The following PTGER4 variants were observed in gnomAD, a reference collection of about 807,000 sequenced individuals.
PTGER4 encodes prostaglandin E2 receptor EP4 subtype.
In PTGER4, 11 loss-of-function variants were observed where a neutral mutation model predicts 33.2. The observed-to-expected ratio is 0.33, with a 90% CI of 0.21 to 0.55. PTGER4 has a LOEUF of 0.55. Ranked by LOEUF, PTGER4 falls within the 20% of genes least tolerant of loss-of-function variation. The probability of loss-of-function intolerance (pLI) is 0.92; values close to 1 mark genes in which losing one functional copy is unlikely to be tolerated. For missense variants in PTGER4, 481 were observed against 650.2 expected, an observed-to-expected ratio of 0.74 and a Z score of 2.83; for synonymous variants, 275 against 281.5, an observed-to-expected ratio of 0.98 and a Z score of 0.23.
rs1389043281 is a variant in PTGER4 at position 40,691,845 on chromosome 5, T to C, written c.934T>C (p.Leu312=). Residue 312 remains leucine, a synonymous_variant, in exon 3 of 3, where the codon TTG becomes CTG. Transcript: ENST00000302472. This position sits in a 1 kb window ranked among gnomAD's most constrained non-coding sequence, Gnocchi z 4.2. Reference sequence around the variant, plus strand: ...GCGAGAAGTCAGTAAAAATCCAGATTTGCAGGCCATCCGAATTGCTTCTGT... The same window carrying C: ...GCGAGAAGTCAGTAAAAATCCAGATCTGCAGGCCATCCGAATTGCTTCTGT... ...LEREVSKNPD[L]QAIRIASVNP... The C allele has an allele frequency of 6.2e-7, 1 of 1,614,220 alleles. No homozygotes were observed. The highest frequency in any genetic ancestry group is 1.7e-5 in the Admixed American group (1 of 60,026).
chr5:40,722,896 T>C, the PTGER4 span, among the ~76,000 whole-genome samples: 1 of 151,664 alleles, frequency 6.6e-6, no homozygotes, highest in Non-Finnish European at 1.5e-5. Context: ...ATCTGGGAAG[T>C]GAGGAGCCCC....
At chr5:40,693,908 A>G (rs956197195), downstream of PTGER4, among the ~76,000 whole-genome samples, 1 of 152,148 alleles carries the variant, frequency 6.6e-6, no homozygotes, top group African/African-American at 2.4e-5. Flanking sequence ...ATGACACTTT[A>G]CTCAAAGCCT....
chr5:40,740,660 A>G, the PTGER4 span, among the ~76,000 whole-genome samples: 25 of 152,270 alleles, frequency 1.6e-4, no homozygotes, highest in African/African-American at 5.3e-4. Flanking sequence ...CGACTATCCA[A>G]GGTATTGTCC....
At chr5:40,741,505 G>C in the PTGER4 span, among the ~76,000 whole-genome samples, 1 of 152,160 alleles carries the variant, frequency 6.6e-6, no homozygotes. Context: ...AAGACTCAAA[G>C]GGACCTCATA....
the PTGER4 span, among the ~76,000 whole-genome samples, chr5:40,738,519 A>C: frequency 0.2 from 12,836 of 65,140 alleles, 1,430 homozygotes; most frequent in East Asian, 0.31. Context: ...AAATACAATA[A>C]AATAAAATAC....
chr5:40,736,092 G>A, the PTGER4 span, among the ~76,000 whole-genome samples: 1 of 152,204 alleles, frequency 6.6e-6, no homozygotes, highest in Admixed American at 6.5e-5. Flanking sequence ...CAACGTTCCT[G>A]AGAAGGCACA....
chr5:40,688,996 T>C (rs1741399252), intron 2 of PTGER4, among the ~76,000 whole-genome samples: 3 of 152,202 alleles, frequency 2.0e-5, no homozygotes, highest in African/African-American at 7.2e-5. Flanking sequence ...TACGGGCAGA[T>C]GAGTTTCAGA....
In PTGER4 at chr5:40,692,136, C is replaced by T; in HGVS notation, c.1225C>T (p.Leu409Phe). The T allele has an allele frequency of 1.2e-6, 2 of 1,614,214 alleles. No individual in the cohort carries two copies. The highest frequency in any genetic ancestry group is 1.7e-6 in the Non-Finnish European group (2 of 1,180,046). ...ACTGCCAGACCTCAGTGAAAATGGC[C>T]TTGGAGGCAGGAATTTGCTTCCAGG... ...LSLPDLSENG[L>F]GGRNLLPGVP... The change falls in exon 3 of 3, where the codon CTT becomes TTT. Residue 409 changes from leucine (L) to phenylalanine (F), a missense_variant. Physicochemically the swap from Leu to Phe is conservative, Grantham distance 22. Transcript: ENST00000302472.
At chr5:40,716,153 C>T in the PTGER4 span, 1 of 1,599,024 alleles carries the variant, frequency 6.3e-7, no homozygotes, top group South Asian at 1.1e-5. Flanking sequence ...CTTCATCGGG[C>T]TTTGATAAAA....
chr5:40,715,352 AT>A, the PTGER4 span: 2 of 152,188 alleles, frequency 1.3e-5, no homozygotes, highest in Non-Finnish European at 2.9e-5. Context: ...TAGCAGTACA[AT>A]TGTCATTAAC....
chr5:40,729,776 G>A, the PTGER4 span, among the ~76,000 whole-genome samples: 1 of 152,146 alleles, frequency 6.6e-6, no homozygotes, highest in Non-Finnish European at 1.5e-5. Context: ...TCAGCTCACT[G>A]CAACCTCCGC....
the PTGER4 span, among the ~76,000 whole-genome samples, chr5:40,725,748 T>C: frequency 6.7e-6 from 1 of 150,176 alleles, no homozygotes; most frequent in Admixed American, 6.6e-5. Context: ...CATTCCCTCA[T>C]ACAGAATTTT....
the PTGER4 span, chr5:40,716,453 G>A: frequency 1.2e-5 from 19 of 1,613,250 alleles, no homozygotes; most frequent in Non-Finnish European, 1.5e-5. Context: ...CATATTTCAG[G>A]GTTCATTGGA....
the PTGER4 span, among the ~76,000 whole-genome samples, chr5:40,713,484 G>C: frequency 1.3e-5 from 2 of 152,116 alleles, no homozygotes; most frequent in African/African-American, 4.8e-5. Flanking sequence ...ATAAAATTTT[G>C]TATGTAGGCC....
In PTGER4 at chr5:40,692,444, C is replaced by T. The variant is rs946649887; in HGVS notation, c.*66C>T. On this transcript the variant is annotated 3_prime_UTR_variant, in exon 3 of 3. Coordinates refer to ENST00000302472, the MANE Select transcript of PTGER4 (RefSeq NM_000958.3). ...TAAAATCCTGTGCAATAGACACATA[C>T]ATGTCACATTTAGCTGTGCTCAGAA... 6.6e-6 allele frequency: 10 copies of T among 1,508,978 alleles called. No homozygotes were observed. The highest frequency in any genetic ancestry group is 8.8e-6 in the Non-Finnish European group (10 of 1,134,042). 93.5% of individuals were successfully genotyped at this position (1,508,978 alleles called of 1,614,324 possible).
At chr5:40,707,690 C>A in the PTGER4 span, among the ~76,000 whole-genome samples, 1 of 152,030 alleles carries the variant, frequency 6.6e-6, no homozygotes, top group Non-Finnish European at 1.5e-5. Context: ...CCTAACAGAC[C>A]TCTACAGAAC....
rs1336334099 is a variant in PTGER4, at chr5:40,692,922, G to A, written c.*544G>A. 4.1e-6 allele frequency: 4 copies of A among 979,028 alleles called. No homozygotes were observed. The highest frequency in any genetic ancestry group is 4.9e-6 in the Non-Finnish European group (4 of 823,910). 60.6% of individuals were successfully genotyped at this position (979,028 alleles called of 1,614,324 possible). ...AATTATCGCAACCCCTCTCCTTCCA[G>A]TATAACCAGCTGAAGTTGCAGATGT... On this transcript the variant is annotated 3_prime_UTR_variant, in exon 3 of 3. Transcript: ENST00000302472.
the PTGER4 span, among the ~76,000 whole-genome samples, chr5:40,733,175 A>G: frequency 6.6e-6 from 1 of 152,210 alleles, no homozygotes; most frequent in Non-Finnish European, 1.5e-5. Context: ...AGAAAAAAAC[A>G]AAAACATGAG....
Position 40,680,590 on chromosome 5 carries a change from ACT to A in PTGER4, c.-44+113_-44+114del. ...GCGCGCTCTCCAAATTGCTTTTGTA[ACT>A]TGTTTTCAGTGAGCATTTTATTGAT... is the stretch of plus-strand genomic sequence containing the variant. On this transcript the variant is annotated intron_variant, in intron 1 of 2. Coordinates refer to ENST00000302472, the MANE Select transcript of PTGER4 (RefSeq NM_000958.3). The surrounding 1 kb of genome is among the most constrained non-coding windows in gnomAD (Gnocchi z 5.5). The A allele has an allele frequency of 1.8e-5, 3 of 162,888 alleles. No homozygotes were observed. Among genetic ancestry groups the A allele is most frequent in the South Asian group, 1.8e-4 (1 of 5,590 alleles). The allele number at this position is 162,888 out of a possible 1,614,324, so 10.1% of individuals were successfully genotyped here.
Sources: allele counts gnomAD v4.1 joint callset (sites outside exome capture counted in the v4.1 genomes callset), GRCh38; gene constraint gnomAD v4.1.1; non-coding constraint Gnocchi (gnomAD v3.1); transcripts MANE v1.5; gene names NCBI Gene and HGNC (gene_info 2026-07-23, HGNC 2026-07-21).